Variants in BCAT1 observed in about 807,000 individuals in gnomAD.
The protein encoded by BCAT1 is branched chain amino acid transaminase 1.
In BCAT1, 48 loss-of-function variants were observed where a neutral mutation model predicts 52.4. The observed-to-expected ratio is 0.92, with a 90% CI of 0.73 to 1.16. The LOEUF (loss-of-function observed/expected upper bound fraction) is 1.16, where lower values mean the gene tolerates loss of function less well. BCAT1 is among the 50% of genes most tolerant of loss of function. The probability of loss-of-function intolerance (pLI) is 0.00; values close to 1 mark genes in which losing one functional copy is unlikely to be tolerated. For synonymous variants in BCAT1, 167 were observed against 161.3 expected (o/e 1.04, Z -0.27); for missense variants, 451 against 457.1 (o/e 0.99, Z 0.12).
intron 6 of BCAT1, among the ~76,000 whole-genome samples, chr12:24,842,932 TTATATGGGAAAATTATGGAG>T (rs1415747386): frequency 6.6e-6 from 1 of 152,210 alleles, no homozygotes; most frequent in East Asian, 1.9e-4. Context: ...TTATCTAAAC[TTATATGGGAAAATTATGGAG>T]TATATTATAA....
chr12:24,857,474 A>C (rs978333791), intron 5 of BCAT1, among the ~76,000 whole-genome samples: 3 of 145,644 alleles, frequency 2.1e-5, no homozygotes, highest in Non-Finnish European at 4.5e-5. Flanking sequence ...AGTGATGTCC[A>C]AGATTATCTA....
At chr12:24,868,549 G>A (rs1354099558) in intron 5 of BCAT1, among the ~76,000 whole-genome samples, 1 of 152,138 alleles carries the variant, frequency 6.6e-6, no homozygotes, top group Non-Finnish European at 1.5e-5. Context: ...GGAAAGGATA[G>A]ACCACTCAAT....
At chr12:24,860,754 T>C (rs1219571609) in intron 5 of BCAT1, among the ~76,000 whole-genome samples, 1 of 152,210 alleles carries the variant, frequency 6.6e-6, no homozygotes, top group Non-Finnish European at 1.5e-5. Context: ...GTTCCTGACC[T>C]GTGGTAAGTA....
intron 3 of BCAT1, among the ~76,000 whole-genome samples, chr12:24,884,916 A>G (rs1287618824): frequency 6.6e-6 from 1 of 152,194 alleles, no homozygotes; most frequent in Non-Finnish European, 1.5e-5. Flanking sequence ...TTAGTTTCCT[A>G]GATAACTAAA....
At chr12:24,818,603 T>C (rs1939977728) in intron 10 of BCAT1, among the ~76,000 whole-genome samples, 1 of 152,186 alleles carries the variant, frequency 6.6e-6, no homozygotes, top group African/African-American at 2.4e-5. Flanking sequence ...AAAGAGTGTT[T>C]TATGCTCATA....
Position 24,816,732 on chromosome 12 carries a change from G to T in BCAT1, c.*1276C>A, listed in dbSNP as rs1242800526. 1 of 394,864 alleles carries T rather than the reference G, an allele frequency of 2.5e-6. No individual in the cohort carries two copies. Among genetic ancestry groups the T allele is most frequent in the Non-Finnish European group, 4.5e-6 (1 of 224,034 alleles). 24.5% of individuals were successfully genotyped at this position (394,864 alleles called of 1,614,324 possible). A position where few individuals can be genotyped will look rare whatever the true frequency, so the allele number is the denominator to read the frequency against. ...TTTGGCACCAGGGACCAGTTTTGTG[G>T]AAGACAATTTTTCCACAGACTGCAG... is the stretch of plus-strand genomic sequence containing the variant. On this transcript the variant is annotated 3_prime_UTR_variant, in exon 11 of 11. Transcript: ENST00000261192.
At chr12:24,894,901 C>T (rs113512718) in intron 2 of BCAT1, among the ~76,000 whole-genome samples, 113 of 152,330 alleles carry the variant, frequency 7.4e-4, no homozygotes, top group African/African-American at 2.6e-3. Flanking sequence ...TACTGAACTG[C>T]TATTTAGCAA....
At chr12:24,852,422 G>GATATCA (rs1941543586) in intron 5 of BCAT1, among the ~76,000 whole-genome samples, 1 of 151,932 alleles carries the variant, frequency 6.6e-6, no homozygotes, top group African/African-American at 2.4e-5. Flanking sequence ...CAAACTAATA[G>GATATCA]CATTTTAATA....
chr12:24,866,270 G>A (rs1285444726), intron 5 of BCAT1, among the ~76,000 whole-genome samples: 5 of 152,218 alleles, frequency 3.3e-5, no homozygotes, highest in South Asian at 2.1e-4. Flanking sequence ...CTGGCCCACC[G>A]GCGCCGCGCT....
chr12:24,887,037 T>G (rs1942682719), intron 3 of BCAT1, among the ~76,000 whole-genome samples: 1 of 110,988 alleles, frequency 9.0e-6, no homozygotes, highest in Non-Finnish European at 1.7e-5. Flanking sequence ...CTCTCCAGCC[T>G]GGAAGAACGA....
At chr12:24,827,989 C>T (rs1339011858) in intron 10 of BCAT1, among the ~76,000 whole-genome samples, 2 of 152,006 alleles carry the variant, frequency 1.3e-5, no homozygotes, top group African/African-American at 4.8e-5. Flanking sequence ...TGGCCTCAAG[C>T]GATCCTCCTG....
At chr12:24,914,307 T>C (rs775488552) in intron 1 of BCAT1, among the ~76,000 whole-genome samples, 15 of 152,174 alleles carry the variant, frequency 9.9e-5, no homozygotes, top group Non-Finnish European at 2.2e-4. Context: ...GGTCTCGAAC[T>C]CCTGAGCTCA....
chr12:24,829,988 G>T, intron 9 of BCAT1, 91 bp from the exon 10 acceptor site: 1 of 891,956 alleles, frequency 1.1e-6, no homozygotes, highest in Non-Finnish European at 1.7e-6. Flanking sequence ...CTATACTAAG[G>T]CAATTCCACT....
At chr12:24,833,818 C>CTTTTTTTTTTT (rs778891194) in intron 8 of BCAT1, 1 of 145,858 alleles carries the variant, frequency 6.9e-6, no homozygotes. Flanking sequence ...ACGTTTGTCT[C>CTTTTTTTTTTT]TTTCTTTTTT....
chr12:24,859,652 T>C (rs12301149), intron 5 of BCAT1, among the ~76,000 whole-genome samples: 18,991 of 150,896 alleles, frequency 0.13, 1,262 homozygotes, highest in East Asian at 0.16. Flanking sequence ...ATTTTGCTTT[T>C]GGAAAATCTT....
chr12:24,872,885 G>C (rs1475025545), intron 5 of BCAT1, among the ~76,000 whole-genome samples: 1 of 152,212 alleles, frequency 6.6e-6, no homozygotes, highest in African/African-American at 2.4e-5. Context: ...GGATGAAATG[G>C]GACTGACATA....
chr12:24,836,900 A>AG (rs1184530263), intron 7 of BCAT1, among the ~76,000 whole-genome samples: 972 of 45,536 alleles, frequency 0.021, 14 homozygotes, highest in Non-Finnish European at 0.024. Context: ...AAAGAAAGAA[A>AG]AGAAAGAGAG....
chr12:24,874,878 G>A (rs1352254389), intron 5 of BCAT1, among the ~76,000 whole-genome samples: 1 of 152,086 alleles, frequency 6.6e-6, no homozygotes, highest in East Asian at 1.9e-4. Flanking sequence ...ACCTAATACA[G>A]TAGCCTAACA....
At chr12:24,826,632 T>C (rs1366445264) in intron 10 of BCAT1, among the ~76,000 whole-genome samples, 1 of 152,206 alleles carries the variant, frequency 6.6e-6, no homozygotes, top group Non-Finnish European at 1.5e-5. Flanking sequence ...TCTTTTTAGC[T>C]CCATATACAT....
Sources: allele counts gnomAD v4.1 joint callset (sites outside exome capture counted in the v4.1 genomes callset), GRCh38; gene constraint gnomAD v4.1.1; transcripts MANE v1.5; gene names NCBI Gene and HGNC (gene_info 2026-07-23, HGNC 2026-07-21).